The following MEIKIN variants were observed in gnomAD, a reference collection of about 807,000 sequenced individuals.
The protein encoded by MEIKIN is meiotic kinetochore factor, also known as meiosis-specific kinetochore protein.
At chr5:131,881,160 A>G (rs938318676) in intron 8 of MEIKIN, among the ~76,000 whole-genome samples, 8 of 152,200 alleles carry the variant, frequency 5.3e-5, no homozygotes, top group African/African-American at 1.4e-4. Context: ...GTTAAGGATA[A>G]CCTTCAGGTT....
chr5:131,944,914 C>T (rs899351262), intron 2 of MEIKIN, 162 bp from the exon 3 acceptor site: 2 of 397,890 alleles, frequency 5.0e-6, no homozygotes, highest in East Asian at 3.6e-5. Context: ...GTGACACAAT[C>T]GTATAGCTCA....
At position 131,813,549 on chromosome 5, in the gene MEIKIN, C is replaced by T. The variant is rs182350211; in HGVS notation, c.1099+5191G>A. ...TCACGCCATTCTCCTGCCTCAGCCT[C>T]CTGAGTAGCTGGGACTACAGGCACC... On this transcript the variant is annotated intron_variant, in intron 12 of 12. Coordinates refer to ENST00000442687, the MANE Select transcript of MEIKIN (RefSeq NM_001303622.2). Among the ~76,000 whole-genome samples, 1,053 of 152,040 alleles carry T rather than the reference C, an allele frequency of 6.9e-3. 24 individuals carry two copies. The highest frequency in any genetic ancestry group is 0.057 in the Admixed American group (874 of 15,254).
At chr5:131,841,799 G>A (rs1484957334) in intron 11 of MEIKIN, among the ~76,000 whole-genome samples, 1 of 151,820 alleles carries the variant, frequency 6.6e-6, no homozygotes, top group Non-Finnish European at 1.5e-5. Context: ...TAGCTCTTTT[G>A]CCTCCTTGGT....
intron 4 of MEIKIN, among the ~76,000 whole-genome samples, chr5:131,940,851 C>CAT (rs971101754): frequency 3.3e-5 from 5 of 152,172 alleles, no homozygotes; most frequent in African/African-American, 1.2e-4. Context: ...AGTTAACAAA[C>CAT]ATAAGAATTG....
chr5:131,865,111 T>A (rs557012109), intron 9 of MEIKIN, among the ~76,000 whole-genome samples: 1 of 152,296 alleles, frequency 6.6e-6, no homozygotes, highest in Non-Finnish European at 1.5e-5. Context: ...AATTTCTCAT[T>A]TGTATCCTGA....
At chr5:131,893,027 G>C (rs1750960376) in intron 8 of MEIKIN, among the ~76,000 whole-genome samples, 1 of 152,154 alleles carries the variant, frequency 6.6e-6, no homozygotes, top group East Asian at 1.9e-4. Flanking sequence ...CTGCAGAACA[G>C]CAGATATTGG....
chr5:131,901,503 T>C (rs950800942), intron 8 of MEIKIN, among the ~76,000 whole-genome samples: 1 of 152,060 alleles, frequency 6.6e-6, no homozygotes. Context: ...AATCAACAAG[T>C]ATGTACCCTG....
intron 11 of MEIKIN, among the ~76,000 whole-genome samples, chr5:131,834,458 A>T (rs556085175): frequency 2.0e-4 from 30 of 152,302 alleles, no homozygotes; most frequent in African/African-American, 7.2e-4. Flanking sequence ...TATAACTAAA[A>T]GTTGGTACCC....
chr5:131,904,943 C>T (rs1751218734), intron 8 of MEIKIN, among the ~76,000 whole-genome samples: 1 of 151,984 alleles, frequency 6.6e-6, no homozygotes, highest in Admixed American at 6.6e-5. Flanking sequence ...AATGAGAACA[C>T]ATGGACACAG....
intron 8 of MEIKIN, among the ~76,000 whole-genome samples, chr5:131,903,221 A>C (rs2149639860): frequency 6.6e-6 from 1 of 152,322 alleles, no homozygotes; most frequent in African/African-American, 2.4e-5. Context: ...CAACTTGGAA[A>C]ACATTTCAAG....
Position 131,945,592 on chromosome 5 carries a change from G to A in MEIKIN, c.-87C>T, listed in dbSNP as rs1751951937. 2.5e-6 allele frequency: 1 copy of A among 399,504 alleles called. No individual in the cohort carries two copies. The allele number at this position is 399,504 out of a possible 1,614,324, so 24.7% of individuals were successfully genotyped here. A position where few individuals can be genotyped will look rare whatever the true frequency, so the allele number is the denominator to read the frequency against. On this transcript the variant is annotated 5_prime_UTR_variant, in exon 1 of 13. Coordinates refer to ENST00000442687, the MANE Select transcript of MEIKIN (RefSeq NM_001303622.2). ...GAGGATCAGGGCTAAGTCACAGGGAGTCAGCGTCCAGGCGAGGCCCGCGGA... is the reference window on the plus strand; with the variant it reads ...GAGGATCAGGGCTAAGTCACAGGGAATCAGCGTCCAGGCGAGGCCCGCGGA...
chr5:131,930,965 TG>T (rs1751679720), intron 5 of MEIKIN, among the ~76,000 whole-genome samples: 2 of 152,220 alleles, frequency 1.3e-5, no homozygotes, highest in East Asian at 3.8e-4. Context: ...TCCATTTCAT[TG>T]GGGTCAGTTT....
chr5:131,924,659 T>C (rs570560447), intron 5 of MEIKIN, among the ~76,000 whole-genome samples: 2 of 152,324 alleles, frequency 1.3e-5, no homozygotes, highest in East Asian at 1.9e-4. Context: ...TTGTCTATTT[T>C]TTCAATCAGG....
At chr5:131,873,705 A>C (rs1750552485) in intron 9 of MEIKIN, among the ~76,000 whole-genome samples, 1 of 151,544 alleles carries the variant, frequency 6.6e-6, no homozygotes, top group African/African-American at 2.4e-5. Context: ...CAGTCTTTTC[A>C]GCACCACACC....
intron 8 of MEIKIN, among the ~76,000 whole-genome samples, chr5:131,890,755 C>A (rs950654118): frequency 2.0e-5 from 3 of 152,150 alleles, no homozygotes; most frequent in African/African-American, 7.2e-5. Context: ...TTGCCTTCTT[C>A]TAGCTTTTGA....
chr5:131,840,735 G>C (rs1749890584), intron 11 of MEIKIN, among the ~76,000 whole-genome samples: 1 of 152,102 alleles, frequency 6.6e-6, no homozygotes, highest in Non-Finnish European at 1.5e-5. Context: ...CTTTTTGTCT[G>C]TTAGCTCCTG....
chr5:131,868,003 CT>C (rs1332795284), intron 9 of MEIKIN, among the ~76,000 whole-genome samples: 1 of 152,196 alleles, frequency 6.6e-6, no homozygotes, highest in Non-Finnish European at 1.5e-5. Flanking sequence ...ATGAGATTTC[CT>C]ATTGCTTCAC....
chr5:131,888,771 A>G (rs576976413), intron 8 of MEIKIN, among the ~76,000 whole-genome samples: 80 of 152,348 alleles, frequency 5.3e-4, no homozygotes, highest in Middle Eastern at 3.4e-3. Flanking sequence ...TGTTTTAGAC[A>G]TGAAGTCCTT....
intron 8 of MEIKIN, among the ~76,000 whole-genome samples, chr5:131,894,282 C>T (rs940262818): frequency 6.6e-6 from 1 of 152,134 alleles, no homozygotes; most frequent in Non-Finnish European, 1.5e-5. Context: ...ACCAGTACCA[C>T]ACTGTTTTGG....
Sources: allele counts gnomAD v4.1 joint callset (sites outside exome capture counted in the v4.1 genomes callset), GRCh38; gene constraint gnomAD v4.1.1; transcripts MANE v1.5; gene names NCBI Gene and HGNC (gene_info 2026-07-23, HGNC 2026-07-21).